The following CCL17 variants were observed in gnomAD, a reference collection of about 807,000 sequenced individuals.
CCL17 encodes the protein C-C motif chemokine 17.
In CCL17, 8 loss-of-function variants were observed where a neutral mutation model predicts 7.4. The observed-to-expected ratio is 1.09, with a 90% CI of 0.64 to 1.96. CCL17 has a LOEUF of 1.96. Ranked by LOEUF, CCL17 falls within the 30% of genes most tolerant of loss-of-function variation. The pLI is 0.00. For synonymous variants in CCL17, 40 were observed against 46.1 expected (o/e 0.87, Z 0.54); for missense variants, 102 against 113.0 (o/e 0.90, Z 0.44).
upstream of CCL17, among the ~76,000 whole-genome samples, chr16:57,400,049 A>T (rs1450889796): frequency 6.6e-6 from 1 of 152,194 alleles, no homozygotes; most frequent in Non-Finnish European, 1.5e-5. Flanking sequence ...CAGAGAAGAA[A>T]TGTAACAATG....
chr16:57,398,161 G>C, the CCL17 span, among the ~76,000 whole-genome samples: 644 of 152,298 alleles, frequency 4.2e-3, 3 homozygotes, highest in Non-Finnish European at 7.2e-3. Flanking sequence ...CACCTAGTAT[G>C]CCATTTACAT....
intron 1 of CCL17, among the ~76,000 whole-genome samples, chr16:57,413,128 G>A (rs762760765): frequency 6.6e-5 from 10 of 152,140 alleles, no homozygotes; most frequent in Non-Finnish European, 1.2e-4. Context: ...TGACCCCTTC[G>A]TTTTGTTCTG....
intron 1 of CCL17, among the ~76,000 whole-genome samples, chr16:57,410,073 C>T (rs896324371): frequency 2.3e-4 from 35 of 152,214 alleles, no homozygotes; most frequent in Admixed American, 1.3e-4. Context: ...TGGTCAGCCA[C>T]AGCTGTCAAA....
chr16:57,403,619 T>TAAATATATATTATATATATTATA (rs1294756242), upstream of CCL17, among the ~76,000 whole-genome samples: 2 of 76,734 alleles, frequency 2.6e-5, no homozygotes, highest in African/African-American at 1.0e-4. Context: ...TATATATTTA[T>TAAATATATATTATATATATTATA]AATATATATT....
intron 1 of CCL17, among the ~76,000 whole-genome samples, chr16:57,413,294 C>T (rs1209800191): frequency 6.6e-6 from 1 of 152,202 alleles, no homozygotes; most frequent in Non-Finnish European, 1.5e-5. Context: ...GGGCCTCAGC[C>T]TCTCGGAGGC....
intron 1 of CCL17, among the ~76,000 whole-genome samples, chr16:57,406,769 C>T (rs1361890460): frequency 6.6e-6 from 1 of 152,144 alleles, no homozygotes; most frequent in Non-Finnish European, 1.5e-5. Context: ...AGTGTCTTAT[C>T]ATCACACCCA....
At chr16:57,405,892 A>AC (rs1324782722) in intron 1 of CCL17, among the ~76,000 whole-genome samples, 1 of 150,420 alleles carries the variant, frequency 6.6e-6, no homozygotes, top group East Asian at 1.9e-4. Context: ...AAAAAAAAAA[A>AC]TTAGCCGGGC....
In CCL17 at chr16:57,415,094, T is replaced by A. The variant is rs61737346; in HGVS notation, c.84T>A (p.Asn28Lys). 2 of 1,613,126 alleles carry A rather than the reference T, an allele frequency of 1.2e-6. No individual in the cohort carries two copies. The highest frequency in any genetic ancestry group is 2.2e-5 in the South Asian group (2 of 91,062). Reference protein sequence around the residue: ...LQHIHAARGTNVGRECCLEYF... With the variant: ...LQHIHAARGTKVGRECCLEYF... Reference sequence around the variant, plus strand: ...CTCTCCCTGCAGCTCGAGGGACCAATGTGGGCCGGGAGTGCTGCCTGGAGT... The same window carrying A: ...CTCTCCCTGCAGCTCGAGGGACCAAAGTGGGCCGGGAGTGCTGCCTGGAGT... Residue 28 changes from asparagine to lysine, a missense_variant, in exon 3 of 4, where the codon AAT becomes AAA. Coordinates refer to ENST00000219244, the MANE Select transcript of CCL17 (RefSeq NM_002987.3). The surrounding 1 kb of genome is among the most constrained non-coding windows in gnomAD (Gnocchi z 4.5).
At chr16:57,405,785 G>C (rs559176359) in intron 1 of CCL17, among the ~76,000 whole-genome samples, 1 of 152,062 alleles carries the variant, frequency 6.6e-6, no homozygotes, top group Non-Finnish European at 1.5e-5. Flanking sequence ...TGTAATCCCA[G>C]CACTTTGGGA....
Position 57,415,309 on chromosome 16 carries a change from C to A in CCL17, c.188+111C>A. The A allele has an allele frequency of 1.3e-6, 1 of 745,682 alleles. No homozygotes were observed. Among genetic ancestry groups the A allele is most frequent in the Non-Finnish European group, 2.4e-6 (1 of 416,892 alleles). 46.2% of individuals were successfully genotyped at this position (745,682 alleles called of 1,614,324 possible). ...AGCAGGGAAGAGACAGCGGGGCCTT[C>A]CTCCCCAACCCCTGCAGGCTCCCCA... is the stretch of plus-strand genomic sequence containing the variant. On this transcript the variant is annotated intron_variant, in intron 3 of 3. Transcript: ENST00000219244. This position sits in a 1 kb window ranked among gnomAD's most constrained non-coding sequence, Gnocchi z 4.5.
chr16:57,401,773 C>T (rs556463149), upstream of CCL17, among the ~76,000 whole-genome samples: 9 of 152,170 alleles, frequency 5.9e-5, no homozygotes, highest in South Asian at 1.0e-3. Context: ...CTACCCAGGC[C>T]CCACTCCTTT....
chr16:57,401,814 T>C (rs546175966), upstream of CCL17, among the ~76,000 whole-genome samples: 3 of 152,314 alleles, frequency 2.0e-5, no homozygotes, highest in Non-Finnish European at 4.4e-5. Flanking sequence ...CACTCTCCTG[T>C]GCCCCTCCAA....
intron 1 of CCL17, among the ~76,000 whole-genome samples, chr16:57,409,342 G>A (rs866259689): frequency 1.3e-5 from 2 of 152,202 alleles, no homozygotes; most frequent in Non-Finnish European, 2.9e-5. Context: ...CATTTTCAAG[G>A]AACTGAAAGA....
upstream of CCL17, among the ~76,000 whole-genome samples, chr16:57,403,705 G>A (rs1902655123): frequency 1.6e-5 from 2 of 124,096 alleles, no homozygotes; most frequent in African/African-American, 6.3e-5. Context: ...TGCCCAGGCT[G>A]GAGTGTAGTG....
At chr16:57,407,521 G>C (rs1485417627) in intron 1 of CCL17, among the ~76,000 whole-genome samples, 2 of 152,176 alleles carry the variant, frequency 1.3e-5, no homozygotes, top group African/African-American at 4.8e-5. Context: ...GAATCTCTAA[G>C]TGACCATCCA....
chr16:57,399,444 TA>T, the CCL17 span, among the ~76,000 whole-genome samples: 1 of 152,160 alleles, frequency 6.6e-6, no homozygotes, highest in Non-Finnish European at 1.5e-5. Context: ...TTCTTTTTTT[TA>T]CTTATTTATT....
upstream of CCL17, among the ~76,000 whole-genome samples, chr16:57,399,961 C>T (rs1318577671): frequency 4.6e-5 from 7 of 152,150 alleles, no homozygotes; most frequent in East Asian, 1.9e-4. Context: ...AGACTTTAAT[C>T]GAGTGCTGCA....
upstream of CCL17, among the ~76,000 whole-genome samples, chr16:57,402,867 T>C (rs1902612406): frequency 6.6e-6 from 1 of 151,562 alleles, no homozygotes. Context: ...TGTGCCGAGA[T>C]ATATTCCATT....
At chr16:57,412,035 T>G (rs1598013004) in intron 1 of CCL17, among the ~76,000 whole-genome samples, 1 of 151,892 alleles carries the variant, frequency 6.6e-6, no homozygotes, top group South Asian at 2.1e-4. Context: ...GGGGGCAGGG[T>G]CAGGGTCTCT....
Sources: allele counts gnomAD v4.1 joint callset (sites outside exome capture counted in the v4.1 genomes callset), GRCh38; gene constraint gnomAD v4.1.1; non-coding constraint Gnocchi (gnomAD v3.1); transcripts MANE v1.5; gene names NCBI Gene and HGNC (gene_info 2026-07-23, HGNC 2026-07-21).